PRICKLE3: variants seen among roughly 807,000 people sequenced by gnomAD.
PRICKLE3 encodes LIM domain only protein 6.
PRICKLE3 carries 17 observed loss-of-function variants against 33.8 expected under a neutral mutation model. The ratio of observed to expected loss-of-function variants is 0.50; its 90% CI spans 0.34 to 0.75. The LOEUF (loss-of-function observed/expected upper bound fraction) is 0.75. Ranked by LOEUF, PRICKLE3 falls within the 30% of genes least tolerant of loss-of-function variation. The pLI is 0.01. For missense variants in PRICKLE3, 573 were observed against 576.7 expected, an observed-to-expected ratio of 0.99 and a Z score of 0.07; for synonymous variants, 211 against 219.6, an observed-to-expected ratio of 0.96 and a Z score of 0.34.
intron 1 of PRICKLE3, among the ~76,000 whole-genome samples, chrX:49,185,098 C>A (rs2065476961): frequency 9.0e-6 from 1 of 111,572 alleles, no homozygotes; most frequent in Admixed American, 9.5e-5. Context: ...GGCATCCTCT[C>A]CCCGGCCTCA....
rs1273762438 is a variant in PRICKLE3 at position 49,174,989 on chromosome X, A to T, written c.*684T>A. Reference sequence around the variant, plus strand: ...TGAGGGAAGTGGGGAGTTAGATTTCAGAGTCCAGGCCCTAGGTTGGGACCC... The same window carrying T: ...TGAGGGAAGTGGGGAGTTAGATTTCTGAGTCCAGGCCCTAGGTTGGGACCC... On this transcript the variant is annotated 3_prime_UTR_variant, in exon 9 of 9. Transcript: ENST00000599218. 4 of 426,070 alleles carry T rather than the reference A, an allele frequency of 9.4e-6. No individual in the cohort carries two copies. Among genetic ancestry groups the T allele is most frequent in the Non-Finnish European group, 1.6e-5 (4 of 243,929 alleles). The allele number at this position is 426,070 out of a possible 1,213,427, so 35.1% of individuals were successfully genotyped here.
rs60187108 is a variant in PRICKLE3 at position 49,180,286 on chromosome X, C to A, written c.313-480G>T. On this transcript the variant is annotated intron_variant, in intron 3 of 8. Transcript: ENST00000599218. ...ACCTCAAGTGATCCGCCTGCCTTGG[C>A]CTCCCAAAGTGCTGGGATTACAGGT... Among the ~76,000 whole-genome samples the A allele has an allele frequency of 1.1e-4, 12 of 108,449 alleles. No individual in the cohort carries two copies. The South Asian group carries it at 1.2e-3, about 11-fold the overall frequency. The allele number at this position is 108,449 out of a possible 115,157, so 94.2% of individuals were successfully genotyped here.
Position 49,186,322 on chromosome X carries a change from G to T in PRICKLE3, c.-25C>A. On this transcript the variant is annotated 5_prime_UTR_variant, in exon 1 of 9. Coordinates refer to ENST00000599218, the MANE Select transcript of PRICKLE3 (RefSeq NM_006150.5). ...TGGCGCGCCCGGGCAGGGTCAAGCC[G>T]GGCCGGGTCAGGCGAATGTAATCCT... 1 of 1,120,689 alleles carries T rather than the reference G, an allele frequency of 8.9e-7. No individual in the cohort carries two copies. Among genetic ancestry groups the T allele is most frequent in the Non-Finnish European group, 1.2e-6 (1 of 850,406 alleles). 92.4% of individuals were successfully genotyped at this position (1,120,689 alleles called of 1,213,427 possible). A position where few individuals can be genotyped will look rare whatever the true frequency, so the allele number is the denominator to read the frequency against.
intron 7 of PRICKLE3, 47 bp downstream of exon 7, chrX:49,177,946 C>G: frequency 8.9e-7 from 1 of 1,123,657 alleles, no homozygotes; most frequent in East Asian, 3.0e-5. Flanking sequence ...GGACTGTGGC[C>G]CAGCTGTCCA....
At chrX:49,178,238 C>A in intron 6 of PRICKLE3, 34 bp downstream of exon 6, 1 of 1,199,551 alleles carries the variant, frequency 8.3e-7, no homozygotes, top group East Asian at 3.0e-5. Flanking sequence ...CCTGCCCACC[C>A]TCAACTCCCA....
intron 3 of PRICKLE3, among the ~76,000 whole-genome samples, chrX:49,181,551 G>A (rs782233577): frequency 1.9e-4 from 1 of 5,328 alleles, no homozygotes; most frequent in Admixed American, 1.7e-3. Context: ...ACGTATATGT[G>A]TATATATATA....
In PRICKLE3 at chrX:49,179,244, G is replaced by C. The variant is rs1348258072; in HGVS notation, c.564+7C>G. On this transcript the variant is annotated splice_region_variant and intron_variant, in intron 5 of 8. Coordinates refer to ENST00000599218, the MANE Select transcript of PRICKLE3 (RefSeq NM_006150.5). ...CTGCTCACTCGCTGAGGCCCTCCAC[G>C]GCTCACCTCCTCACAGATGGCCCCA... The C allele has an allele frequency of 5.0e-5, 61 of 1,208,230 alleles. No homozygotes were observed. Among genetic ancestry groups the C allele is most frequent in the Non-Finnish European group, 6.8e-5 (61 of 894,073 alleles).
intron 3 of PRICKLE3, among the ~76,000 whole-genome samples, chrX:49,183,269 T>C (rs1361887746): frequency 1.8e-5 from 2 of 111,354 alleles, no homozygotes; most frequent in African/African-American, 6.5e-5. Context: ...GAGGGTAGAA[T>C]AGGGAGTGGG....
chrX:49,181,605 A>ACGCG (rs2065455933), intron 3 of PRICKLE3, among the ~76,000 whole-genome samples: 1 of 9,810 alleles, frequency 1.0e-4, no homozygotes, highest in Non-Finnish European at 1.5e-3. Context: ...CTATATACGT[A>ACGCG]TATATATATG....
At chrX:49,184,970 C>G in intron 1 of PRICKLE3, 2 of 973,843 alleles carry the variant, frequency 2.1e-6, no homozygotes, top group Admixed American at 3.6e-5. Context: ...TCGGACCCCC[C>G]TCCCCGTCCG....
Position 49,179,249 on chromosome X carries a change from A to G in PRICKLE3, c.564+2T>C. ...CACTCGCTGAGGCCCTCCACGGCTC[A>G]CCTCCTCACAGATGGCCCCAGTGAT... On this transcript the variant is annotated splice_donor_variant, in intron 5 of 8. Transcript: ENST00000599218. LOFTEE classifies it high-confidence loss of function. 8.3e-7 allele frequency: 1 copy of G among 1,209,985 alleles called. No individual in the cohort carries two copies. The highest frequency in any genetic ancestry group is 1.1e-6 in the Non-Finnish European group (1 of 894,603).
chrX:49,185,519 T>C (rs2065478561), intron 1 of PRICKLE3, among the ~76,000 whole-genome samples: 1 of 111,068 alleles, frequency 9.0e-6, no homozygotes, highest in South Asian at 3.8e-4. Context: ...CAAATCCCAG[T>C]CTCTTGACTC....
intron 3 of PRICKLE3, among the ~76,000 whole-genome samples, chrX:49,183,072 C>G (rs957581779): frequency 8.0e-5 from 9 of 112,103 alleles, no homozygotes; most frequent in African/African-American, 2.9e-4. Context: ...AATCCGCCCG[C>G]CTCAGCCTCC....
In PRICKLE3 at chrX:49,175,135, A is replaced by C; in HGVS notation, c.*538T>G. 5.0e-6 allele frequency: 1 copy of C among 200,260 alleles called. No individual in the cohort carries two copies. The highest frequency in any genetic ancestry group is 9.2e-6 in the Non-Finnish European group (1 of 108,756). The allele number at this position is 200,260 out of a possible 1,213,427, so 16.5% of individuals were successfully genotyped here. ...CTTTCATCAAATGTGGGTAAATTTC[A>C]AGCATCAGGAGGGGGAAATGGAGTG... is the stretch of plus-strand genomic sequence containing the variant. On this transcript the variant is annotated 3_prime_UTR_variant, in exon 9 of 9. Coordinates refer to ENST00000599218, the MANE Select transcript of PRICKLE3 (RefSeq NM_006150.5).
chrX:49,178,740 A>G (rs2065433388), intron 5 of PRICKLE3, among the ~76,000 whole-genome samples: 1 of 112,364 alleles, frequency 8.9e-6, no homozygotes, highest in Admixed American at 9.3e-5. Flanking sequence ...AGCCTCCCTC[A>G]TCAGGGGTGG....
In PRICKLE3 at chrX:49,179,391, G is replaced by A. The variant is rs371508331; in HGVS notation, c.427-3C>T. The stretch of plus-strand genomic sequence containing the variant: ...TCCAGTGCTGTGCAGTACTGTGCCT[G>A]GGAGGAGAAGGCATCTCCCAGGCTC... On this transcript the variant is annotated splice_region_variant and splice_polypyrimidine_tract_variant and intron_variant, in intron 4 of 8. Coordinates refer to ENST00000599218, the MANE Select transcript of PRICKLE3 (RefSeq NM_006150.5). 16 of 1,204,573 alleles carry A rather than the reference G, an allele frequency of 1.3e-5. No individual in the cohort carries two copies. Among genetic ancestry groups the A allele is most frequent in the Non-Finnish European group, 1.6e-5 (14 of 891,797 alleles).
chrX:49,186,121 C>T, intron 1 of PRICKLE3, 135 bp downstream of exon 1: 1 of 796,364 alleles, frequency 1.3e-6, no homozygotes, highest in Non-Finnish European at 1.7e-6. Flanking sequence ...GCAGCCCCAG[C>T]CCCAGGTCTG....
At chrX:49,183,602 A>G in intron 3 of PRICKLE3, 132 bp downstream of exon 3, 1 of 1,136,908 alleles carries the variant, frequency 8.8e-7, no homozygotes, top group Non-Finnish European at 1.2e-6. Flanking sequence ...GAGGGGCCAG[A>G]AGGACCCTCG....
In PRICKLE3 at chrX:49,175,092, A is replaced by G. The variant is rs782593590; in HGVS notation, c.*581T>C. The G allele has an allele frequency of 1.6e-5, 4 of 257,774 alleles. No homozygotes were observed. The highest frequency in any genetic ancestry group is 2.8e-5 in the Non-Finnish European group (4 of 145,214). The allele number at this position is 257,774 out of a possible 1,213,427, so 21.2% of individuals were successfully genotyped here. On this transcript the variant is annotated 3_prime_UTR_variant, in exon 9 of 9. Transcript: ENST00000599218. The stretch of plus-strand genomic sequence containing the variant: ...ATAATAAACATTGTTAAAATATACG[A>G]TAATGAATAAAGTAATCCTTTCATC...
Sources: allele counts gnomAD v4.1 joint callset (sites outside exome capture counted in the v4.1 genomes callset), GRCh38; gene constraint gnomAD v4.1.1; transcripts MANE v1.5; gene names NCBI Gene and HGNC (gene_info 2026-07-23, HGNC 2026-07-21).